The following PICALM variants were observed in gnomAD, a reference collection of about 807,000 sequenced individuals.
The protein encoded by PICALM is phosphatidylinositol-binding clathrin assembly protein.
Under a neutral mutation model 80.5 loss-of-function variants are expected in PICALM, and 40 were observed. That is an observed-to-expected ratio of 0.50 (90% confidence interval 0.39 to 0.65). PICALM has a LOEUF of 0.65. Among genes scored for constraint, PICALM ranks in the 30% least tolerant of loss-of-function variants. PICALM has a pLI of 0.00. For synonymous variants in PICALM, 288 were observed against 260.3 expected (o/e 1.11, Z -1.02); for missense variants, 676 against 778.9 (o/e 0.87, Z 1.57).
intron 19 of PICALM, chr11:85,960,827 G>T: frequency 2.4e-6 from 2 of 842,642 alleles, no homozygotes; most frequent in Non-Finnish European, 3.3e-6. Context: ...ATCTCAGAAT[G>T]ACAGAACATG....
intron 17 of PICALM, chr11:85,978,165 A>T: frequency 7.8e-7 from 1 of 1,277,334 alleles, no homozygotes; most frequent in Non-Finnish European, 1.1e-6. Context: ...CACAACAGAA[A>T]ATACACAGAG....
At chr11:85,981,259 T>C (rs1481612194) in intron 16 of PICALM, 31 bp from the exon 17 acceptor site, 2 of 1,163,984 alleles carry the variant, frequency 1.7e-6, no homozygotes, top group Non-Finnish European at 1.3e-6. Flanking sequence ...GAATATTAAA[T>C]GTCTCTAATT....
chr11:86,052,553 T>G (rs1055038056), intron 1 of PICALM, among the ~76,000 whole-genome samples: 3 of 152,182 alleles, frequency 2.0e-5, no homozygotes, highest in African/African-American at 7.2e-5. Context: ...TCCCCAAACC[T>G]CAGTAATTGC....
At chr11:86,035,548 T>C (rs890287888) in intron 1 of PICALM, among the ~76,000 whole-genome samples, 1 of 152,228 alleles carries the variant, frequency 6.6e-6, no homozygotes, top group Non-Finnish European at 1.5e-5. Context: ...ATATAAAATT[T>C]AGTAATCCCT....
At chr11:85,962,665 T>C (rs1206564183) in intron 19 of PICALM, among the ~76,000 whole-genome samples, 1 of 152,212 alleles carries the variant, frequency 6.6e-6, no homozygotes, top group East Asian at 1.9e-4. Context: ...GTCTCTTAAA[T>C]TGGTAAAACA....
intron 1 of PICALM, among the ~76,000 whole-genome samples, chr11:86,036,671 A>G (rs1168122439): frequency 1.3e-5 from 2 of 152,232 alleles, no homozygotes; most frequent in Non-Finnish European, 2.9e-5. Flanking sequence ...ATGACACTAC[A>G]GTCTGACTAT....
intron 19 of PICALM, among the ~76,000 whole-genome samples, chr11:85,966,359 A>C (rs2135404067): frequency 6.6e-6 from 1 of 152,306 alleles, no homozygotes. Flanking sequence ...GGTGTGAGCC[A>C]CTGTGCCCAA....
intron 1 of PICALM, among the ~76,000 whole-genome samples, chr11:86,059,796 T>C (rs2137630606): frequency 1.3e-5 from 2 of 152,034 alleles, no homozygotes; most frequent in Non-Finnish European, 2.9e-5. Flanking sequence ...AGGCTAACGG[T>C]TTGGTAGTCA....
intron 2 of PICALM, among the ~76,000 whole-genome samples, chr11:86,028,148 C>T (rs931597209): frequency 6.6e-6 from 1 of 152,100 alleles, no homozygotes; most frequent in African/African-American, 2.4e-5. Flanking sequence ...ACATATATGG[C>T]TTTAATCAAG....
At chr11:85,986,661 A>G (rs2094582407) in intron 13 of PICALM, among the ~76,000 whole-genome samples, 1 of 152,094 alleles carries the variant, frequency 6.6e-6, no homozygotes, top group Non-Finnish European at 1.5e-5. Context: ...GAGTGCTGGG[A>G]TTACAGGCGT....
intron 1 of PICALM, among the ~76,000 whole-genome samples, chr11:86,035,956 A>AAG (rs1407155895): frequency 6.6e-6 from 1 of 151,068 alleles, no homozygotes; most frequent in Non-Finnish European, 1.5e-5. Context: ...TCAAAAAAAA[A>AAG]AAAAAAAAAG....
intron 19 of PICALM, chr11:85,969,766 A>T: frequency 2.0e-5 from 5 of 250,386 alleles, no homozygotes; most frequent in Non-Finnish European, 4.1e-5. Flanking sequence ...TGATCCTCCT[A>T]CCTCAGCCTC....
chr11:86,036,635 A>G (rs1485008872), intron 1 of PICALM, among the ~76,000 whole-genome samples: 2 of 152,256 alleles, frequency 1.3e-5, no homozygotes, highest in Non-Finnish European at 2.9e-5. Flanking sequence ...TTAAGTGGAC[A>G]TATCCAAGAG....
In PICALM at chr11:85,969,509, T is replaced by C. The variant is rs539395284; in HGVS notation, c.1944+5199A>G. 7.4e-4 allele frequency: 149 copies of C among 201,168 alleles called. 1 individual carries two copies. Among genetic ancestry groups the C allele is most frequent in the African/African-American group, 3.1e-3 (132 of 42,522 alleles). 12.5% of individuals were successfully genotyped at this position (201,168 alleles called of 1,614,324 possible). A position where few individuals can be genotyped will look rare whatever the true frequency, so the allele number is the denominator to read the frequency against. On this transcript the variant is annotated intron_variant, in intron 19 of 19. Coordinates refer to ENST00000393346, the MANE Select transcript of PICALM (RefSeq NM_007166.4). ...TGCCCTTAATAATTTTTTAATCCAA[T>C]TGAAAAAAAGGGAACAAAACAATGA...
chr11:86,011,187 C>CA (rs368815719), intron 6 of PICALM, 51 bp from the exon 7 acceptor site: 6 of 764,034 alleles, frequency 7.9e-6, no homozygotes, highest in African/African-American at 1.9e-5. Flanking sequence ...ATATAACACC[C>CA]AAAAAAGGAA....
At chr11:85,965,431 A>T (rs2093843186) in intron 19 of PICALM, among the ~76,000 whole-genome samples, 1 of 152,206 alleles carries the variant, frequency 6.6e-6, no homozygotes, top group South Asian at 2.1e-4. Context: ...CCATGGTGCT[A>T]CTAAATAGGA....
At chr11:85,981,680 A>G in intron 16 of PICALM, 65 bp downstream of exon 16, 1 of 1,255,612 alleles carries the variant, frequency 8.0e-7, no homozygotes, top group East Asian at 2.3e-5. Context: ...TCAACCCTCC[A>G]AATAACACAT....
In PICALM at chr11:86,038,879, G is replaced by A. The variant is rs151045603; in HGVS notation, c.131-7268C>T. Among the ~76,000 whole-genome samples the A allele has an allele frequency of 1.0e-3, 155 of 151,746 alleles. 6 individuals are homozygous for A. The East Asian group carries it at 0.029, about 28-fold the overall frequency. ...TAATCCCAGTACGTTGGGGGTCAAGGAGAACGGATCACTCAAGGTCAGGAG... is the reference window on the plus strand; with the variant it reads ...TAATCCCAGTACGTTGGGGGTCAAGAAGAACGGATCACTCAAGGTCAGGAG... On this transcript the variant is annotated intron_variant, in intron 1 of 19. Transcript: ENST00000393346.
chr11:86,064,948 G>A (rs1330308996), intron 1 of PICALM, among the ~76,000 whole-genome samples: 5 of 151,916 alleles, frequency 3.3e-5, no homozygotes, highest in Admixed American at 3.3e-4. Context: ...CAGGCGTGGT[G>A]GCACATGCCT....
Sources: allele counts gnomAD v4.1 joint callset (sites outside exome capture counted in the v4.1 genomes callset), GRCh38; gene constraint gnomAD v4.1.1; transcripts MANE v1.5; gene names NCBI Gene and HGNC (gene_info 2026-07-23, HGNC 2026-07-21).